Variants in JAZF1 observed in about 807,000 individuals in gnomAD.
The protein encoded by JAZF1 is JAZF zinc finger 1.
A neutral mutation model predicts 26.4 loss-of-function variants in JAZF1; 8 were observed. The ratio of observed to expected loss-of-function variants is 0.30; its 90% confidence interval spans 0.18 to 0.55. The LOEUF (loss-of-function observed/expected upper bound fraction) is 0.55, where lower values mean the gene tolerates loss of function less well. Ranked by LOEUF, JAZF1 falls within the 20% of genes least tolerant of loss-of-function variation. The pLI, the probability that JAZF1 is intolerant of heterozygous loss-of-function variation, is 0.94. For synonymous variants in JAZF1, 126 were observed against 122.3 expected (o/e 1.03, Z -0.20); for missense variants, 199 against 322.0 (o/e 0.62, Z 2.92).
intron 3 of JAZF1, among the ~76,000 whole-genome samples, chr7:27,856,478 G>A (rs1168297524): frequency 1.3e-5 from 2 of 152,286 alleles, no homozygotes; most frequent in East Asian, 3.9e-4. Flanking sequence ...GCTGATTCAG[G>A]CAGCCTGCTT....
At chr7:28,103,024 C>T (rs768116239) in intron 1 of JAZF1, among the ~76,000 whole-genome samples, 2 of 152,136 alleles carry the variant, frequency 1.3e-5, no homozygotes, top group African/African-American at 4.8e-5. Context: ...CCTCAGCTTA[C>T]GACCGATTGA....
At chr7:28,099,570 A>C (rs1784438581) in intron 1 of JAZF1, among the ~76,000 whole-genome samples, 1 of 152,046 alleles carries the variant, frequency 6.6e-6, no homozygotes, top group South Asian at 2.1e-4. Context: ...TCCACCTCCC[A>C]GGTTCAAGCA....
At chr7:28,170,374 T>C (rs1783441079) in intron 1 of JAZF1, among the ~76,000 whole-genome samples, 1 of 149,438 alleles carries the variant, frequency 6.7e-6, no homozygotes, top group African/African-American at 2.5e-5. Flanking sequence ...TGTGTGTGTG[T>C]GTGTGTGTGT....
Position 27,898,967 on chromosome 7 carries a change from C to T in JAZF1, c.189-3551G>A, listed in dbSNP as rs539006673. On this transcript the variant is annotated intron_variant, in intron 2 of 4. Coordinates refer to ENST00000283928, the MANE Select transcript of JAZF1 (RefSeq NM_175061.4). Reference sequence around the variant, plus strand: ...CATACACACACACACCCACACCACCCGCCCCCACAAACACACACAGGAATG... The same window carrying T: ...CATACACACACACACCCACACCACCTGCCCCCACAAACACACACAGGAATG... 6.8e-4 allele frequency among the ~76,000 whole-genome samples: 103 copies of T among 152,252 alleles called. 2 individuals carry two copies. In the South Asian group the frequency reaches 0.011, roughly 16 times the overall value.
At chr7:28,120,780 C>T (rs12700853) in intron 1 of JAZF1, among the ~76,000 whole-genome samples, 122,595 of 151,940 alleles carry the variant, frequency 0.81, 49,771 homozygotes, top group Admixed American at 0.88. Flanking sequence ...TGCCCTGCTA[C>T]TCTCTTTTCA....
chr7:27,911,258 A>C (rs1485726378), intron 2 of JAZF1, among the ~76,000 whole-genome samples: 1 of 152,220 alleles, frequency 6.6e-6, no homozygotes, highest in African/African-American at 2.4e-5. Flanking sequence ...AGAAGGAATA[A>C]GGGCAAAAGA....
In JAZF1 at chr7:28,115,577, C is replaced by A. The variant is rs534224730; in HGVS notation, c.115+64886G>T. 8.5e-5 allele frequency among the ~76,000 whole-genome samples: 13 copies of A among 152,254 alleles called. No homozygotes were observed. The South Asian group carries it at 2.7e-3, about 32-fold the overall frequency. ...AAAGCTCTAGGAAGGTTATTTCTGGCCCTTGGACATATGTTGAATTGGCAC... is the reference window on the plus strand; with the variant it reads ...AAAGCTCTAGGAAGGTTATTTCTGGACCTTGGACATATGTTGAATTGGCAC... On this transcript the variant is annotated intron_variant, in intron 1 of 4. Transcript: ENST00000283928.
At chr7:27,842,013 C>T (rs1052240419) in intron 3 of JAZF1, 5 of 152,208 alleles carry the variant, frequency 3.3e-5, no homozygotes, top group African/African-American at 1.2e-4. Flanking sequence ...CAGGGGCTTA[C>T]TCTGCTACAT....
At chr7:27,948,741 T>C (rs1276465266) in intron 2 of JAZF1, among the ~76,000 whole-genome samples, 1 of 152,188 alleles carries the variant, frequency 6.6e-6, no homozygotes, top group Non-Finnish European at 1.5e-5. Context: ...TGCAGATAGA[T>C]TGCTAGATCA....
chr7:27,946,302 C>G (rs1364692580), intron 2 of JAZF1, among the ~76,000 whole-genome samples: 1 of 152,132 alleles, frequency 6.6e-6, no homozygotes, highest in South Asian at 2.1e-4. Context: ...ATTAAATGTT[C>G]TGGTTACCAC....
chr7:27,885,999 A>G lies in JAZF1; in HGVS notation c.385+9221T>C, dbSNP rs1583447718. The stretch of plus-strand genomic sequence containing the variant: ...AAGCCCTAACTAACCTGACAACATA[A>G]GCCATTTCCACCATTGACAGTCAAC... On this transcript the variant is annotated intron_variant, in intron 3 of 4. Transcript: ENST00000283928. Among the ~76,000 whole-genome samples the G allele has an allele frequency of 6.6e-5, 10 of 152,316 alleles. 2 individuals are homozygous for G.
intron 1 of JAZF1, among the ~76,000 whole-genome samples, chr7:28,155,093 C>A (rs1290408103): frequency 1.3e-5 from 2 of 152,136 alleles, no homozygotes; most frequent in Non-Finnish European, 2.9e-5. Flanking sequence ...TCTGCAATCA[C>A]ATCAGTCACT....
intron 4 of JAZF1, 96 bp from the exon 5 acceptor site, chr7:27,833,072 G>A (rs1323810379): frequency 1.9e-5 from 18 of 947,016 alleles, no homozygotes; most frequent in Non-Finnish European, 2.8e-5. Flanking sequence ...GTTCCTGGAT[G>A]GCAGCTGTTT....
intron 1 of JAZF1, among the ~76,000 whole-genome samples, chr7:28,163,347 C>T (rs1783320746): frequency 1.3e-5 from 2 of 152,174 alleles, no homozygotes; most frequent in Non-Finnish European, 2.9e-5. Flanking sequence ...TCCCAACTGG[C>T]TGGGCTGTCC....
chr7:27,913,423 G>T (rs769412560), intron 2 of JAZF1: 1 of 454,826 alleles, frequency 2.2e-6, no homozygotes, highest in South Asian at 1.6e-5. Context: ...GAGAAGGGAG[G>T]TCTTCTCTAG....
In JAZF1 at chr7:27,888,464, A is replaced by G. The variant is rs754737407; in HGVS notation, c.385+6756T>C. On this transcript the variant is annotated intron_variant, in intron 3 of 4. Transcript: ENST00000283928. Reference sequence around the variant, plus strand: ...TTTAAGTTTATTTTGCTTTCTAACAATAAAGGCATGAGGGAAGAGCTCACC... The same window carrying G: ...TTTAAGTTTATTTTGCTTTCTAACAGTAAAGGCATGAGGGAAGAGCTCACC... Among the ~76,000 whole-genome samples the G allele has an allele frequency of 2.6e-5, 4 of 152,206 alleles. No homozygotes were observed. The East Asian group carries it at 5.8e-4, about 22-fold the overall frequency.
At chr7:28,148,355 G>A (rs1330245515) in intron 1 of JAZF1, among the ~76,000 whole-genome samples, 1 of 152,150 alleles carries the variant, frequency 6.6e-6, no homozygotes, top group East Asian at 1.9e-4. Flanking sequence ...ATAGGCGTGA[G>A]CCACCGCGCC....
At chr7:27,871,839 G>A (rs1354290741) in intron 3 of JAZF1, among the ~76,000 whole-genome samples, 2 of 152,160 alleles carry the variant, frequency 1.3e-5, no homozygotes, top group Non-Finnish European at 2.9e-5. Context: ...TGCCTCAGCC[G>A]ACTGTCACAC....
At chr7:27,858,811 T>C (rs1034743599) in intron 3 of JAZF1, among the ~76,000 whole-genome samples, 1 of 152,160 alleles carries the variant, frequency 6.6e-6, no homozygotes, top group African/African-American at 2.4e-5. Context: ...ATTCAGGACA[T>C]AGGCATGGGA....
Sources: gnomAD v4.1 joint callset for allele counts (sites outside exome capture counted in the v4.1 genomes callset) on GRCh38, gnomAD v4.1.1 for gene constraint, MANE v1.5 for transcripts, NCBI Gene and HGNC (gene_info 2026-07-23, HGNC 2026-07-21) for gene names.